Variants in PDE4D observed in about 807,000 individuals in gnomAD.
PDE4D encodes the protein phosphodiesterase 4D, also known as 3',5'-cyclic-AMP phosphodiesterase 4D.
PDE4D carries 24 observed loss-of-function variants against 87.4 expected under a neutral mutation model. That is an observed-to-expected ratio of 0.27 (90% CI 0.20 to 0.39). The LOEUF is 0.39. Among genes scored for constraint, PDE4D ranks in the 10% least tolerant of loss-of-function variants. The pLI is 1.00. For missense variants in PDE4D, 714 were observed against 1,041.0 expected (o/e 0.69, Z 4.32); for synonymous variants, 384 against 383.2 (o/e 1.00, Z -0.02).
intron 1 of PDE4D, among the ~76,000 whole-genome samples, chr5:59,771,949 C>A (rs1455599237): frequency 6.6e-6 from 1 of 152,056 alleles, no homozygotes; most frequent in Non-Finnish European, 1.5e-5. Flanking sequence ...TCCCCATATC[C>A]CATTATTATT....
intron 1 of PDE4D, among the ~76,000 whole-genome samples, chr5:59,478,617 A>ACAGTT (rs1803718223): frequency 6.6e-6 from 1 of 152,078 alleles, no homozygotes; most frequent in Non-Finnish European, 1.5e-5. Flanking sequence ...CTTTTAGAAA[A>ACAGTT]CAGTTCATCA....
chr5:60,044,563 G>C (rs1222128296), intron 2 of PDE4D, among the ~76,000 whole-genome samples: 2 of 148,390 alleles, frequency 1.3e-5, no homozygotes, highest in Non-Finnish European at 3.0e-5. Context: ...CCCTTCCTGT[G>C]TCCATGTGTT....
At chr5:60,432,805 AG>A (rs1397128225) in intron 1 of PDE4D, among the ~76,000 whole-genome samples, 1 of 152,188 alleles carries the variant, frequency 6.6e-6, no homozygotes, top group Non-Finnish European at 1.5e-5. Flanking sequence ...TCTTCAACAA[AG>A]TTGACAAAAA....
intron 5 of PDE4D, among the ~76,000 whole-genome samples, chr5:59,066,721 T>C (rs762282119): frequency 4.5e-4 from 69 of 152,184 alleles, no homozygotes; most frequent in Non-Finnish European, 8.4e-4. Context: ...TCATCACCAA[T>C]GTGATGGTAT....
chr5:59,514,233 G>A (rs1294620773), intron 1 of PDE4D, among the ~76,000 whole-genome samples: 1 of 151,840 alleles, frequency 6.6e-6, no homozygotes, highest in Non-Finnish European at 1.5e-5. Context: ...AGCCTCCCGA[G>A]TAGCTGGGAC....
intron 1 of PDE4D, among the ~76,000 whole-genome samples, chr5:59,818,133 G>A (rs1308515096): frequency 2.6e-5 from 4 of 152,206 alleles, no homozygotes; most frequent in African/African-American, 4.8e-5. Flanking sequence ...AGGCATGGCA[G>A]GGTTTGTCCT....
chr5:59,217,376 T>C (rs1751489920), intron 1 of PDE4D: 1 of 426,924 alleles, frequency 2.3e-6, no homozygotes, highest in African/African-American at 2.0e-5. Context: ...CTTTATTTTC[T>C]TTATCGGAGT....
At chr5:59,354,433 A>C (rs974739884) in intron 1 of PDE4D, among the ~76,000 whole-genome samples, 24 of 152,326 alleles carry the variant, frequency 1.6e-4, no homozygotes, top group African/African-American at 5.8e-4. Flanking sequence ...AATGCTATGC[A>C]ATAAAACTAT....
Position 59,747,242 on chromosome 5 carries a change from A to G in PDE4D, c.455+145926T>C, listed in dbSNP as rs571030033. Among the ~76,000 whole-genome samples, 4 of 152,230 alleles carry G rather than the reference A, an allele frequency of 2.6e-5. No homozygotes were observed. In the East Asian group the frequency reaches 7.7e-4, roughly 29 times the overall value. ...CTCCAAAAATCTTCCAAACCCAATGAGTCCTCCAGTGCATTGACCTTAGAA... is the reference window on the plus strand; with the variant it reads ...CTCCAAAAATCTTCCAAACCCAATGGGTCCTCCAGTGCATTGACCTTAGAA... On this transcript the variant is annotated intron_variant, in intron 1 of 14. Coordinates refer to ENST00000340635, the MANE Select transcript of PDE4D (RefSeq NM_001104631.2).
intron 1 of PDE4D, among the ~76,000 whole-genome samples, chr5:59,531,766 T>C (rs1237858213): frequency 6.6e-6 from 1 of 152,228 alleles, no homozygotes; most frequent in Non-Finnish European, 1.5e-5. Flanking sequence ...GAAGGACTTG[T>C]GTGATTAGAT....
chr5:59,113,474 A>G (rs942972138), intron 5 of PDE4D, among the ~76,000 whole-genome samples: 67 of 152,368 alleles, frequency 4.4e-4, no homozygotes, highest in African/African-American at 1.5e-3. Flanking sequence ...ACAAATCAAA[A>G]TAATCACCGA....
chr5:60,158,733 T>C (rs116833993), intron 2 of PDE4D, among the ~76,000 whole-genome samples: 3,066 of 152,148 alleles, frequency 0.02, 56 homozygotes, highest in Non-Finnish European at 0.032. Context: ...TGGCTAATTT[T>C]TTTAAATATA....
At chr5:59,068,118 A>G (rs1258363161) in intron 5 of PDE4D, among the ~76,000 whole-genome samples, 1 of 152,200 alleles carries the variant, frequency 6.6e-6, no homozygotes, top group Non-Finnish European at 1.5e-5. Context: ...AGCATGTGTG[A>G]AATGCAAAGT....
At chr5:60,320,464 C>G (rs987499076) in intron 1 of PDE4D, among the ~76,000 whole-genome samples, 1 of 152,196 alleles carries the variant, frequency 6.6e-6, no homozygotes, top group African/African-American at 2.4e-5. Context: ...CTTTGGCTCA[C>G]ACTCGGTGCA....
At position 59,156,318 on chromosome 5, in the gene PDE4D, A is replaced by ATATATATATAT. The variant is rs530343458; in HGVS notation, c.808+24276_808+24277insATATATATATA. On this transcript the variant is annotated intron_variant, in intron 5 of 14. Coordinates refer to ENST00000340635, the MANE Select transcript of PDE4D (RefSeq NM_001104631.2). ...AACTAGAGACTTGCCAGAAAAAAAA[A>ATATATATATAT]AAATATATATATATGTGTGTGTGTG... 5.8e-3 allele frequency among the ~76,000 whole-genome samples: 124 copies of ATATATATATAT among 21,230 alleles called. 1 individual carries two copies. The highest frequency in any genetic ancestry group is 0.025 in the Middle Eastern group (1 of 40). The allele number at this position is 21,230 out of a possible 152,430, so 13.9% of individuals were successfully genotyped here.
chr5:60,076,574 G>A (rs1773317949), intron 2 of PDE4D, among the ~76,000 whole-genome samples: 1 of 152,150 alleles, frequency 6.6e-6, no homozygotes, highest in Non-Finnish European at 1.5e-5. Flanking sequence ...TCAATTTCTG[G>A]AAGATTTTAG....
chr5:59,275,119 T>C (rs1274071957), intron 1 of PDE4D, among the ~76,000 whole-genome samples: 3 of 151,988 alleles, frequency 2.0e-5, no homozygotes, highest in Non-Finnish European at 4.4e-5. Flanking sequence ...CTTTAAAAAT[T>C]ATCATCAGAT....
chr5:59,053,648 TTTTTTTGTTGTTG>T (rs746592478), intron 5 of PDE4D, among the ~76,000 whole-genome samples: 3 of 114,076 alleles, frequency 2.6e-5, no homozygotes, highest in Admixed American at 1.8e-4. Flanking sequence ...GTTTTTTGTT[TTTTTTTGTTGTTG>T]TTTTTTTTTT....
At chr5:59,799,756 G>T (rs1482881853) in intron 1 of PDE4D, among the ~76,000 whole-genome samples, 55 of 152,266 alleles carry the variant, frequency 3.6e-4, no homozygotes, top group Non-Finnish European at 8.8e-5. Context: ...GTAAAATTTT[G>T]GCAATGTGGT....
Sources: allele counts gnomAD v4.1 joint callset (sites outside exome capture counted in the v4.1 genomes callset), GRCh38; gene constraint gnomAD v4.1.1; transcripts MANE v1.5; gene names NCBI Gene and HGNC (gene_info 2026-07-23, HGNC 2026-07-21).